ADGRL3: variants seen among roughly 807,000 people sequenced by gnomAD.
The protein encoded by ADGRL3 is calcium-independent alpha-latrotoxin receptor 3.
In ADGRL3, 62 loss-of-function variants were observed where a neutral mutation model predicts 153.5. That is an observed-to-expected ratio of 0.40 (90% CI 0.33 to 0.50). The LOEUF (loss-of-function observed/expected upper bound fraction) is 0.50, where lower values mean the gene tolerates loss of function less well. Ranked by LOEUF, ADGRL3 falls within the 20% of genes least tolerant of loss-of-function variation. ADGRL3 has a pLI of 0.47. For missense variants in ADGRL3, 1,641 were observed against 1,859.4 expected (o/e 0.88, Z 2.16); for synonymous variants, 710 against 672.5 (o/e 1.06, Z -0.86).
intron 2 of ADGRL3, among the ~76,000 whole-genome samples, chr4:61,453,941 A>T (rs2097705054): frequency 6.6e-6 from 1 of 152,082 alleles, no homozygotes; most frequent in Non-Finnish European, 1.5e-5. Context: ...TTAATATTAT[A>T]TATATAAATT....
intron 1 of ADGRL3, among the ~76,000 whole-genome samples, chr4:61,379,532 A>T (rs1466471968): frequency 6.6e-6 from 1 of 152,010 alleles, no homozygotes; most frequent in Non-Finnish European, 1.5e-5. Context: ...TGACCTTTTT[A>T]AAAAATATCA....
At chr4:61,724,987 G>C (rs1027995453) in intron 6 of ADGRL3, among the ~76,000 whole-genome samples, 1 of 151,952 alleles carries the variant, frequency 6.6e-6, no homozygotes, top group African/African-American at 2.4e-5. Context: ...GAGTTGCTTT[G>C]TAACACTAGT....
intron 9 of ADGRL3, among the ~76,000 whole-genome samples, chr4:61,867,444 G>A (rs1471913110): frequency 6.8e-6 from 1 of 147,006 alleles, no homozygotes; most frequent in Non-Finnish European, 1.5e-5. Flanking sequence ...AGGTTGCAGC[G>A]CACCGAGATG....
chr4:61,479,942 A>G (rs1478490418), intron 2 of ADGRL3, among the ~76,000 whole-genome samples: 2 of 152,086 alleles, frequency 1.3e-5, no homozygotes, highest in African/African-American at 4.8e-5. Context: ...TTTTTGATGC[A>G]TGTATGCATT....
intron 6 of ADGRL3, among the ~76,000 whole-genome samples, chr4:61,715,892 C>T (rs2096100580): frequency 6.8e-6 from 1 of 146,106 alleles, no homozygotes; most frequent in African/African-American, 2.5e-5. Flanking sequence ...TCATAACCAT[C>T]TCCTTTCATA....
At chr4:61,827,253 C>T (rs1354832585) in intron 9 of ADGRL3, among the ~76,000 whole-genome samples, 1 of 152,168 alleles carries the variant, frequency 6.6e-6, no homozygotes, top group African/African-American at 2.4e-5. Flanking sequence ...GATTCTCATG[C>T]TGAATATTGA....
At chr4:61,222,227 A>G (rs1416998675) in intron 1 of ADGRL3, among the ~76,000 whole-genome samples, 2 of 152,144 alleles carry the variant, frequency 1.3e-5, no homozygotes, top group East Asian at 1.9e-4. Context: ...GGTCCCAAAC[A>G]TAAAGCTTAT....
At chr4:61,485,472 T>C (rs1034896488) in intron 2 of ADGRL3, among the ~76,000 whole-genome samples, 2 of 152,186 alleles carry the variant, frequency 1.3e-5, no homozygotes, top group African/African-American at 4.8e-5. Context: ...AATATTGAAA[T>C]TTTTTAAAAA....
At chr4:61,717,262 A>G (rs1399724773) in intron 6 of ADGRL3, among the ~76,000 whole-genome samples, 5 of 150,396 alleles carry the variant, frequency 3.3e-5, no homozygotes, top group African/African-American at 1.2e-4. Context: ...AAAATTCATG[A>G]CTTGAGATTT....
chr4:61,743,188 TGG>T (rs899217982), intron 8 of ADGRL3, among the ~76,000 whole-genome samples: 5 of 150,716 alleles, frequency 3.3e-5, no homozygotes, highest in African/African-American at 1.2e-4. Context: ...GGAGTGGTGG[TGG>T]GTGCCTGTAG....
At chr4:61,291,611 C>CATATATATATATATATAT (rs1352050467) in intron 1 of ADGRL3, among the ~76,000 whole-genome samples, 1 of 9,640 alleles carries the variant, frequency 1.0e-4, no homozygotes, top group South Asian at 2.7e-3. Flanking sequence ...TATACACACA[C>CATATATATATATATATAT]ATATATATAT....
At chr4:61,426,825 A>G (rs942017396) in intron 2 of ADGRL3, 2 of 152,188 alleles carry the variant, frequency 1.3e-5, no homozygotes, top group Admixed American at 6.5e-5. Flanking sequence ...TCTGGGGACA[A>G]TTGCCTCCAC....
At chr4:61,538,079 T>C (rs771873447) in intron 4 of ADGRL3, among the ~76,000 whole-genome samples, 1 of 152,196 alleles carries the variant, frequency 6.6e-6, no homozygotes, top group Non-Finnish European at 1.5e-5. Context: ...GGATTCCTTC[T>C]CATCTGTAGA....
At chr4:61,260,123 A>T (rs2092389180) in intron 1 of ADGRL3, among the ~76,000 whole-genome samples, 1 of 152,222 alleles carries the variant, frequency 6.6e-6, no homozygotes, top group African/African-American at 2.4e-5. Context: ...GATCAGAATG[A>T]TTCAGATATT....
At chr4:61,753,903 C>A (rs909577965) in intron 8 of ADGRL3, among the ~76,000 whole-genome samples, 5 of 152,088 alleles carry the variant, frequency 3.3e-5, no homozygotes, top group African/African-American at 4.8e-5. Context: ...TTTAAAAGCG[C>A]CTGGAGGCTA....
intron 17 of ADGRL3, among the ~76,000 whole-genome samples, chr4:61,962,834 A>T (rs2098993031): frequency 6.6e-6 from 1 of 152,200 alleles, no homozygotes. Context: ...TAAATTTATA[A>T]TGTGCTCAAT....
intron 5 of ADGRL3, among the ~76,000 whole-genome samples, chr4:61,641,327 G>A (rs2093658064): frequency 6.6e-6 from 1 of 150,894 alleles, no homozygotes; most frequent in Non-Finnish European, 1.5e-5. Context: ...TAAGTTTTGG[G>A]GTAAATGTGC....
chr4:61,933,441 G>A (rs1284004903), intron 13 of ADGRL3, among the ~76,000 whole-genome samples: 3 of 151,958 alleles, frequency 2.0e-5, no homozygotes, highest in Non-Finnish European at 2.9e-5. Context: ...AACAAATGAC[G>A]GAGCTAAGCA....
At chr4:61,726,210 G>GTTTTTTGTTTTTTTTTTTTTTTTT in intron 6 of ADGRL3, among the ~76,000 whole-genome samples, 1 of 118,528 alleles carries the variant, frequency 8.4e-6, no homozygotes, top group East Asian at 2.6e-4. Context: ...TTTTTTTTTT[G>GTTTTTTGTTTTTTTTTTTTTTTTT]TTTTTTGAGA....
Sources: gnomAD v4.1 joint callset for allele counts (sites outside exome capture counted in the v4.1 genomes callset) on GRCh38, gnomAD v4.1.1 for gene constraint, MANE v1.5 for transcripts, NCBI Gene and HGNC (gene_info 2026-07-23, HGNC 2026-07-21) for gene names.